Variants in ARHGAP25 observed in about 807,000 individuals in gnomAD.
ARHGAP25 encodes the protein Rho GTPase activating protein 25.
In ARHGAP25, 34 loss-of-function variants were observed where a neutral mutation model predicts 71.0. That is an observed-to-expected ratio of 0.48 (90% CI 0.36 to 0.64). ARHGAP25 has a LOEUF of 0.64. Among genes scored for constraint, ARHGAP25 ranks in the 30% least tolerant of loss-of-function variants. The pLI, the probability that ARHGAP25 is intolerant of heterozygous loss-of-function variation, is 0.00. For synonymous variants in ARHGAP25, 282 were observed against 296.5 expected (o/e 0.95, Z 0.50); for missense variants, 706 against 805.1 (o/e 0.88, Z 1.49).
intron 4 of ARHGAP25, among the ~76,000 whole-genome samples, chr2:68,796,040 T>C (rs1679517763): frequency 6.6e-6 from 1 of 152,228 alleles, no homozygotes; most frequent in Non-Finnish European, 1.5e-5. Flanking sequence ...TTTTTCTTTA[T>C]TTTTGCCTGG....
chr2:68,819,900 G>A (rs1397155120), intron 9 of ARHGAP25, among the ~76,000 whole-genome samples: 1 of 152,128 alleles, frequency 6.6e-6, no homozygotes, highest in Non-Finnish European at 1.5e-5. Context: ...ATTTACAAAG[G>A]TCAAATATTT....
rs775340651 is a variant in ARHGAP25, at chr2:68,782,330, C to T, written c.349+10C>T. 15 of 1,613,302 alleles carry T rather than the reference C, an allele frequency of 9.3e-6. No individual in the cohort carries two copies. The African/African-American group carries it at 2.0e-4, about 22-fold the overall frequency. On this transcript the variant is annotated intron_variant, in intron 3 of 10. Transcript: ENST00000409202. ...TTTGAAATCATTCCAGGTAGGCCAC[C>T]ACAGGTAGGACAGAGGTGCAGTGCA...
intron 1 of ARHGAP25, among the ~76,000 whole-genome samples, chr2:68,771,028 A>C (rs1258228430): frequency 6.6e-5 from 10 of 152,224 alleles, no homozygotes; most frequent in Admixed American, 5.9e-4. Flanking sequence ...ACACAGGCTT[A>C]CTGAGTACTT....
intron 5 of ARHGAP25, among the ~76,000 whole-genome samples, chr2:68,812,747 T>C (rs1411459225): frequency 2.0e-5 from 3 of 152,198 alleles, no homozygotes; most frequent in Non-Finnish European, 4.4e-5. Flanking sequence ...GTCCCTTGGA[T>C]TGGCTACTGA....
intron 1 of ARHGAP25, among the ~76,000 whole-genome samples, chr2:68,737,263 G>T (rs915469720): frequency 1.9e-4 from 29 of 152,188 alleles, no homozygotes; most frequent in Non-Finnish European, 4.0e-4. Context: ...CCAGCATCCT[G>T]TGTCCAGGTG....
chr2:68,741,065 C>G (rs1460335043), intron 1 of ARHGAP25, among the ~76,000 whole-genome samples: 1 of 152,212 alleles, frequency 6.6e-6, no homozygotes, highest in Non-Finnish European at 1.5e-5. Context: ...ATTAGGTGCT[C>G]AGCAAACATC....
At chr2:68,818,087 G>A (rs905303421) in intron 8 of ARHGAP25, 93 bp downstream of exon 8, 9 of 1,505,650 alleles carry the variant, frequency 6.0e-6, no homozygotes, top group Admixed American at 5.1e-5. Flanking sequence ...AGTTTCCCAA[G>A]CATTTTAAGC....
At position 68,750,322 on chromosome 2, in the gene ARHGAP25, CTTT is replaced by C. The variant is rs367795010; in HGVS notation, c.61+15077_61+15079del. Reference sequence around the variant, plus strand: ...CACTGCGCCCAGCCCCATGAAGCCACTTTTTTTTTTTTTTTTTGAGATAGAGTT... The same window carrying C: ...CACTGCGCCCAGCCCCATGAAGCCACTTTTTTTTTTTTTTGAGATAGAGTT... On this transcript the variant is annotated intron_variant, in intron 1 of 10. Coordinates refer to ENST00000409202, the MANE Select transcript of ARHGAP25 (RefSeq NM_001007231.3). Among the ~76,000 whole-genome samples, 915 of 139,440 alleles carry C rather than the reference CTTT, an allele frequency of 6.6e-3. 4 individuals carry two copies. The highest frequency in any genetic ancestry group is 0.016 in the African/African-American group (599 of 37,438). 91.5% of individuals were successfully genotyped at this position (139,440 alleles called of 152,430 possible).
At chr2:68,809,648 G>A (rs1680633738) in intron 5 of ARHGAP25, among the ~76,000 whole-genome samples, 1 of 152,100 alleles carries the variant, frequency 6.6e-6, no homozygotes, top group Non-Finnish European at 1.5e-5. Context: ...AGCTTTTTCT[G>A]CCTCCTATAA....
intron 4 of ARHGAP25, among the ~76,000 whole-genome samples, chr2:68,796,277 T>G (rs1209882211): frequency 6.6e-6 from 1 of 152,234 alleles, no homozygotes; most frequent in East Asian, 1.9e-4. Context: ...AGATTTCTCT[T>G]GCATCTAATT....
chr2:68,825,708 G>T (rs1194770129), intron 10 of ARHGAP25, among the ~76,000 whole-genome samples: 2 of 152,096 alleles, frequency 1.3e-5, no homozygotes, highest in Non-Finnish European at 2.9e-5. Flanking sequence ...CTGGGAGGCG[G>T]AGCTTGCAGT....
chr2:68,778,942 G>T (rs547480073), intron 2 of ARHGAP25, among the ~76,000 whole-genome samples: 1 of 152,142 alleles, frequency 6.6e-6, no homozygotes, highest in Admixed American at 6.5e-5. Context: ...ACGGTTTAAG[G>T]CTGTGTAAGT....
chr2:68,738,141 T>C (rs1347446331), intron 1 of ARHGAP25, among the ~76,000 whole-genome samples: 1 of 152,236 alleles, frequency 6.6e-6, no homozygotes, highest in Admixed American at 6.5e-5. Flanking sequence ...CACTTCTTCC[T>C]GTGATCCTTT....
chr2:68,774,413 C>A (rs1677687351), intron 1 of ARHGAP25, among the ~76,000 whole-genome samples: 1 of 152,172 alleles, frequency 6.6e-6, no homozygotes, highest in Non-Finnish European at 1.5e-5. Flanking sequence ...AAAACAAAAG[C>A]CAAATATACC....
At chr2:68,766,153 G>A (rs1341812712) in intron 1 of ARHGAP25, among the ~76,000 whole-genome samples, 3 of 152,312 alleles carry the variant, frequency 2.0e-5, no homozygotes, top group East Asian at 3.9e-4. Context: ...CAATGGAGGG[G>A]TCAGTACTTC....
intron 4 of ARHGAP25, among the ~76,000 whole-genome samples, chr2:68,803,189 G>A (rs1680133156): frequency 6.6e-6 from 1 of 152,132 alleles, no homozygotes; most frequent in Admixed American, 6.5e-5. Flanking sequence ...GGTGGAAGAT[G>A]GAGCACAGTC....
In ARHGAP25 at chr2:68,826,382, T is replaced by C. The variant is rs964016084; in HGVS notation, c.*188T>C. ...AGGTGAGGGTGAGCAGAGATGTGTGTGGACATCTCTGACCATCCATCGCTG... is the reference window on the plus strand; with the variant it reads ...AGGTGAGGGTGAGCAGAGATGTGTGCGGACATCTCTGACCATCCATCGCTG... On this transcript the variant is annotated 3_prime_UTR_variant, in exon 11 of 11. Coordinates refer to ENST00000409202, the MANE Select transcript of ARHGAP25 (RefSeq NM_001007231.3). 4.3e-6 allele frequency: 3 copies of C among 699,982 alleles called. No individual in the cohort carries two copies. The African/African-American group carries it at 5.2e-5, about 12-fold the overall frequency. The allele number at this position is 699,982 out of a possible 1,614,324, so 43.4% of individuals were successfully genotyped here.
intron 2 of ARHGAP25, among the ~76,000 whole-genome samples, chr2:68,780,201 C>T (rs749346043): frequency 6.6e-6 from 1 of 152,226 alleles, no homozygotes; most frequent in Non-Finnish European, 1.5e-5. Flanking sequence ...AGCATAGAGT[C>T]AGACACCTAG....
At chr2:68,758,672 A>G (rs999226506) in intron 1 of ARHGAP25, among the ~76,000 whole-genome samples, 8 of 151,958 alleles carry the variant, frequency 5.3e-5, no homozygotes, top group African/African-American at 1.7e-4. Context: ...GGAGACTTCA[A>G]TACTCCACTC....
Sources: gnomAD v4.1 joint callset for allele counts (sites outside exome capture counted in the v4.1 genomes callset) on GRCh38, gnomAD v4.1.1 for gene constraint, MANE v1.5 for transcripts, NCBI Gene and HGNC (gene_info 2026-07-23, HGNC 2026-07-21) for gene names.